The following CRIP2 variants were observed in gnomAD, a reference collection of about 807,000 sequenced individuals.
The protein encoded by CRIP2 is cysteine rich protein 2, also known as cysteine-rich protein 2.
A neutral mutation model predicts 31.3 loss-of-function variants in CRIP2; 31 were observed. That is an observed-to-expected ratio of 0.99 (90% CI 0.74 to 1.34). CRIP2 has a LOEUF of 1.34. CRIP2 is among the 40% of genes most tolerant of loss of function. The probability of loss-of-function intolerance (pLI) is 0.00; values close to 1 mark genes in which losing one functional copy is unlikely to be tolerated. For missense variants in CRIP2, 389 were observed against 301.6 expected (o/e 1.29, Z -2.15); for synonymous variants, 177 against 127.2 (o/e 1.39, Z -2.63).
At chr14:105,474,765 A>C (rs1200921498), upstream of CRIP2, 1 of 1,139,806 alleles carries the variant, frequency 8.8e-7, no homozygotes, top group African/African-American at 1.7e-5. The surrounding 1 kb of genome is among the most constrained non-coding windows in gnomAD (Gnocchi z 5.1). Context: ...CGCGGAGCCA[A>C]TGGGCGCGCG....
At chr14:105,473,597 T>C, upstream of CRIP2, 4 of 1,431,148 alleles carry the variant, frequency 2.8e-6, no homozygotes, top group Middle Eastern at 1.8e-4. Context: ...GCCTGATCAC[T>C]GGGCTTCTGG....
chr14:105,478,952 C>T lies in CRIP2; in HGVS notation c.338-27C>T. On this transcript the variant is annotated intron_variant, in intron 4 of 7. Transcript: ENST00000329146. This position sits in a 1 kb window ranked among gnomAD's most constrained non-coding sequence, Gnocchi z 4.9. Reference sequence around the variant, plus strand: ...GGGGTTGTGGGCACCCCCGGCCCCGCCCCGCCCTGACTCGTGCGCCCCACA... The same window carrying T: ...GGGGTTGTGGGCACCCCCGGCCCCGTCCCGCCCTGACTCGTGCGCCCCACA... 1.3e-6 allele frequency: 2 copies of T among 1,544,544 alleles called. No individual in the cohort carries two copies. The highest frequency in any genetic ancestry group is 8.7e-7 in the Non-Finnish European group (1 of 1,150,980).
chr14:105,473,374 G>A (rs1016987345), upstream of CRIP2: 6 of 1,535,548 alleles, frequency 3.9e-6, no homozygotes, highest in African/African-American at 4.1e-5. Context: ...CATGGAAATG[G>A]CAGTGGCTGC....
At position 105,475,000 on chromosome 14, in the gene CRIP2, C is replaced by T. The variant is rs2083901672; in HGVS notation, c.43+95C>T. 7.9e-7 allele frequency: 1 copy of T among 1,265,980 alleles called. No individual in the cohort carries two copies. Among genetic ancestry groups the T allele is most frequent in the Non-Finnish European group, 1.0e-6 (1 of 986,834 alleles). The allele number at this position is 1,265,980 out of a possible 1,614,324, so 78.4% of individuals were successfully genotyped here. A position where few individuals can be genotyped will look rare whatever the true frequency, so the allele number is the denominator to read the frequency against. ...GAGCCGCGGCGTAACTCGGGGTGCG[C>T]CCGGCCCCGGCCCCGGACCGAGGAT... On this transcript the variant is annotated intron_variant, in intron 1 of 7. Coordinates refer to ENST00000329146, the MANE Select transcript of CRIP2 (RefSeq NM_001312.4). This position sits in a 1 kb window ranked among gnomAD's most constrained non-coding sequence, Gnocchi z 5.1.
chr14:105,476,755 T>C, intron 1 of CRIP2: 4 of 985,518 alleles, frequency 4.1e-6, no homozygotes, highest in Non-Finnish European at 4.8e-6. Flanking sequence ...GTGTCCCAGC[T>C]TCCTTGAGTG....
At position 105,478,039 on chromosome 14, in the gene CRIP2, C is replaced by T. The variant is rs1425570651; in HGVS notation, c.44-227C>T. 1.3e-5 allele frequency among the ~76,000 whole-genome samples: 2 copies of T among 151,732 alleles called. No individual in the cohort carries two copies. The highest frequency in any genetic ancestry group is 2.1e-4 in the South Asian group (1 of 4,816). The stretch of plus-strand genomic sequence containing the variant: ...CTCAAAGGCGGCTCTAGCGGGGTTC[C>T]AGGGCTGGGGGCGCTGAGACCCAGA... On this transcript the variant is annotated intron_variant, in intron 1 of 7. Transcript: ENST00000329146. This position sits in a 1 kb window ranked among gnomAD's most constrained non-coding sequence, Gnocchi z 4.9.
At chr14:105,473,172 G>A, upstream of CRIP2, 5 of 1,505,364 alleles carry the variant, frequency 3.3e-6, no homozygotes, top group Non-Finnish European at 4.5e-6. Context: ...GCCTGGGCAA[G>A]GCCCTGCTGT....
At chr14:105,474,256 C>T (rs2083887104), upstream of CRIP2, 1 of 150,088 alleles carries the variant, frequency 6.7e-6, no homozygotes, top group Non-Finnish European at 1.5e-5. This position sits in a 1 kb window ranked among gnomAD's most constrained non-coding sequence, Gnocchi z 5.1. Context: ...GAGACCCGGA[C>T]AGGGCTGGGG....
chr14:105,475,004 G>A (rs1309771612), intron 1 of CRIP2, 99 bp downstream of exon 1: 3 of 1,270,682 alleles, frequency 2.4e-6, no homozygotes, highest in Non-Finnish European at 3.0e-6. Context: ...GGTGCGCCCG[G>A]CCCCGGCCCC....
rs1301978180 is a variant in CRIP2 at position 105,478,147 on chromosome 14, G to A, written c.44-119G>A. 1.3e-6 allele frequency: 1 copy of A among 755,768 alleles called. No individual in the cohort carries two copies. The highest frequency in any genetic ancestry group is 2.0e-6 in the Non-Finnish European group (1 of 495,506). The allele number at this position is 755,768 out of a possible 1,614,324, so 46.8% of individuals were successfully genotyped here. A position where few individuals can be genotyped will look rare whatever the true frequency, so the allele number is the denominator to read the frequency against. Reference sequence around the variant, plus strand: ...CCCGCCAGGTGGAAGGAAGGCGCCTGGGAGACCTCCTGAAAGTGGGGACCC... The same window carrying A: ...CCCGCCAGGTGGAAGGAAGGCGCCTAGGAGACCTCCTGAAAGTGGGGACCC... On this transcript the variant is annotated intron_variant, in intron 1 of 7. Transcript: ENST00000329146. The surrounding 1 kb of genome is among the most constrained non-coding windows in gnomAD (Gnocchi z 4.9).
chr14:105,478,524 C>T lies in CRIP2; in HGVS notation c.196+17C>T, dbSNP rs2084005391. 4 of 1,604,858 alleles carry T rather than the reference C, an allele frequency of 2.5e-6. No homozygotes were observed. The highest frequency in any genetic ancestry group is 1.1e-5 in the South Asian group (1 of 90,048). On this transcript the variant is annotated intron_variant, in intron 3 of 7. Transcript: ENST00000329146. The surrounding 1 kb of genome is among the most constrained non-coding windows in gnomAD (Gnocchi z 4.9). ...GACCCAAAGGTGAGCTCCGGCTGCC[C>T]TCGGCCTGCCCTGGGACCTGCTGGG...
upstream of CRIP2, chr14:105,473,564 CCA>C: frequency 6.7e-7 from 1 of 1,502,734 alleles, no homozygotes; most frequent in Non-Finnish European, 8.9e-7. Context: ...GGAAGGGTGT[CCA>C]GAGTCAGCTG....
In CRIP2 at chr14:105,478,089, G is replaced by T. The variant is rs1050018979; in HGVS notation, c.44-177G>T. Among the ~76,000 whole-genome samples the T allele has an allele frequency of 6.6e-6, 1 of 151,572 alleles. No homozygotes were observed. The highest frequency in any genetic ancestry group is 2.4e-5 in the African/African-American group (1 of 41,226). ...AGGGAGAACAGGGCCTGGGGGCGACGGGCTCCTCCGGGTCTCAGAAGGAGG... is the reference window on the plus strand; with the variant it reads ...AGGGAGAACAGGGCCTGGGGGCGACTGGCTCCTCCGGGTCTCAGAAGGAGG... On this transcript the variant is annotated intron_variant, in intron 1 of 7. Coordinates refer to ENST00000329146, the MANE Select transcript of CRIP2 (RefSeq NM_001312.4). The surrounding 1 kb of genome is among the most constrained non-coding windows in gnomAD (Gnocchi z 4.9).
At chr14:105,473,260 C>T (rs2083872095), upstream of CRIP2, 4 of 1,502,730 alleles carry the variant, frequency 2.7e-6, no homozygotes, top group South Asian at 1.2e-5. Context: ...GCCTCCTCAC[C>T]ATCTTCTGCC....
At chr14:105,479,068 C>T in intron 5 of CRIP2, 21 bp downstream of exon 5, 1 of 1,567,616 alleles carries the variant, frequency 6.4e-7, no homozygotes, top group Non-Finnish European at 8.6e-7. Flanking sequence ...GCCCGGGCCC[C>T]GGACCCCCGC....
In CRIP2 at chr14:105,478,263, C is replaced by T. The variant is rs2083995529; in HGVS notation, c.44-3C>T. The T allele has an allele frequency of 1.3e-6, 2 of 1,545,838 alleles. No homozygotes were observed. Among genetic ancestry groups the T allele is most frequent in the South Asian group, 1.2e-5 (1 of 84,516 alleles). On this transcript the variant is annotated splice_region_variant and splice_polypyrimidine_tract_variant and intron_variant, in intron 1 of 7. Transcript: ENST00000329146. This position sits in a 1 kb window ranked among gnomAD's most constrained non-coding sequence, Gnocchi z 4.9. ...TGACCCCCCTGCCGCCCCTCCCGCT[C>T]AGCCGAGAAGGTGAGCTCCCTGGGG...
rs1291855812 is a variant in CRIP2 at position 105,479,390 on chromosome 14, G to A, written c.502-46G>A. On this transcript the variant is annotated intron_variant, in intron 6 of 7. Transcript: ENST00000329146. ...TCTGGAAGCCTCCAGGTGATGGGTC[G>A]GGGGAGTCTGTGGACTCCTCCCTCA... is the stretch of plus-strand genomic sequence containing the variant. 6.2e-6 allele frequency: 10 copies of A among 1,610,490 alleles called. No homozygotes were observed. The South Asian group carries it at 6.6e-5, about 11-fold the overall frequency.
In CRIP2 at chr14:105,474,923, C is replaced by T; in HGVS notation, c.43+18C>T. On this transcript the variant is annotated intron_variant, in intron 1 of 7. Transcript: ENST00000329146. This position sits in a 1 kb window ranked among gnomAD's most constrained non-coding sequence, Gnocchi z 5.1. ...GTACTTCGGTGAGTGCGTGCCCGCT[C>T]CCGGCCCGCTCGGTGCATCCCGCCG... is the stretch of plus-strand genomic sequence containing the variant. 1 of 1,505,070 alleles carries T rather than the reference C, an allele frequency of 6.6e-7. No homozygotes were observed. The highest frequency in any genetic ancestry group is 8.9e-7 in the Non-Finnish European group (1 of 1,126,514). The allele number at this position is 1,505,070 out of a possible 1,614,324, so 93.2% of individuals were successfully genotyped here.
chr14:105,476,175 G>A (rs1406445534), intron 1 of CRIP2: 1 of 985,384 alleles, frequency 1.0e-6, no homozygotes, highest in Non-Finnish European at 1.2e-6. Flanking sequence ...CCCTTCTGCA[G>A]TCCAACTGCC....
Sources: gnomAD v4.1 joint callset for allele counts (sites outside exome capture counted in the v4.1 genomes callset) on GRCh38, gnomAD v4.1.1 for gene constraint, Gnocchi (gnomAD v3.1) non-coding constraint, MANE v1.5 for transcripts, NCBI Gene and HGNC (gene_info 2026-07-23, HGNC 2026-07-21) for gene names.